Variants in CELF2 observed in about 807,000 individuals in gnomAD.
CELF2 encodes the protein CUGBP Elav-like family member 2.
A neutral mutation model predicts 62.6 loss-of-function variants in CELF2; 8 were observed. That is an observed-to-expected ratio of 0.13 (90% confidence interval 0.07 to 0.23). The LOEUF (loss-of-function observed/expected upper bound fraction) is 0.23, where lower values mean the gene tolerates loss of function less well. Ranked by LOEUF, CELF2 falls within the 10% of genes least tolerant of loss-of-function variation. CELF2 has a pLI of 1.00. For missense variants in CELF2, 333 were observed against 671.0 expected, an observed-to-expected ratio of 0.50 and a Z score of 5.56; for synonymous variants, 258 against 250.0, an observed-to-expected ratio of 1.03 and a Z score of -0.30.
At chr10:10,662,392 G>A in the CELF2 span, among the ~76,000 whole-genome samples, 2 of 152,162 alleles carry the variant, frequency 1.3e-5, no homozygotes, top group African/African-American at 4.8e-5. Flanking sequence ...TAAAAACTCA[G>A]CAGCAGCTGC....
At chr10:11,101,704 C>T (rs1181111878) in intron 1 of CELF2, among the ~76,000 whole-genome samples, 1 of 152,222 alleles carries the variant, frequency 6.6e-6, no homozygotes, top group African/African-American at 2.4e-5. Flanking sequence ...GTTTTTACCA[C>T]TGTAGCACAA....
At chr10:11,232,037 A>C (rs926855287) in intron 3 of CELF2, among the ~76,000 whole-genome samples, 1 of 152,184 alleles carries the variant, frequency 6.6e-6, no homozygotes, top group African/African-American at 2.4e-5. Context: ...ACATGTGCAC[A>C]ACGTGCAGGT....
rs146972453 is a variant in CELF2 at position 10,874,207 on chromosome 10, A to G, written c.54-45757A>G. On this transcript the variant is annotated intron_variant, in intron 1 of 13. Coordinates refer to the CELF2 transcript ENST00000636488. ...GGTGGCACATGCCTTAATCCTAACT[A>G]CTTGGGAGGCTGAGGTAGGAGGATT... is the stretch of plus-strand genomic sequence containing the variant. 2.8e-3 allele frequency among the ~76,000 whole-genome samples: 433 copies of G among 152,162 alleles called. 5 individuals are homozygous for G. Among genetic ancestry groups the G allele is most frequent in the African/African-American group, 1.0e-2 (414 of 41,524 alleles).
At chr10:10,847,149 A>C (rs975724097) in intron 1 of CELF2, among the ~76,000 whole-genome samples, 3 of 151,816 alleles carry the variant, frequency 2.0e-5, no homozygotes, top group African/African-American at 7.2e-5. Context: ...ATATCTATTT[A>C]TATTAGGTAT....
chr10:10,526,100 G>A, the CELF2 span, among the ~76,000 whole-genome samples: 1 of 152,184 alleles, frequency 6.6e-6, no homozygotes, highest in Non-Finnish European at 1.5e-5. Flanking sequence ...ACATATAGAT[G>A]TTGATGTATT....
chr10:11,255,571 G>C lies in CELF2; in HGVS notation c.404-2167G>C, dbSNP rs945189798. ...TGGGTGCACGATTCGTAGTTTACAAGTATTGTGGAATCGTGCCTTTCAACT... is the reference window on the plus strand; with the variant it reads ...TGGGTGCACGATTCGTAGTTTACAACTATTGTGGAATCGTGCCTTTCAACT... On this transcript the variant is annotated intron_variant, in intron 4 of 12. Coordinates refer to ENST00000633077, the MANE Select transcript of CELF2 (RefSeq NM_001326342.2). The surrounding 1 kb of genome is among the most constrained non-coding windows in gnomAD (Gnocchi z 5.5). Among the ~76,000 whole-genome samples the C allele has an allele frequency of 1.3e-5, 2 of 152,178 alleles. No homozygotes were observed. Among genetic ancestry groups the C allele is most frequent in the African/African-American group, 4.8e-5 (2 of 41,436 alleles).
At chr10:10,953,595 A>C (rs1393104516) in intron 2 of CELF2, among the ~76,000 whole-genome samples, 1 of 152,222 alleles carries the variant, frequency 6.6e-6, no homozygotes, top group African/African-American at 2.4e-5. Flanking sequence ...TTCCACCAGG[A>C]TGAATTTCAA....
rs1031878150 is a variant in CELF2 at position 11,335,793 on chromosome 10, A to AT, written c.*6741dup. 1.6e-4 allele frequency: 25 copies of AT among 152,316 alleles called. No homozygotes were observed. Among genetic ancestry groups the AT allele is most frequent in the African/African-American group, 4.3e-4 (18 of 41,560 alleles). The allele number at this position is 152,316 out of a possible 1,614,324, so 9.4% of individuals were successfully genotyped here. On this transcript the variant is annotated 3_prime_UTR_variant, in exon 13 of 13. Transcript: ENST00000633077. This position sits in a 1 kb window ranked among gnomAD's most constrained non-coding sequence, Gnocchi z 5.0. ...GTGCAAGTGTTTATTTTTCAAATCT[A>AT]TAAGTACATAGTTCCACCATTTTGG...
Position 11,329,847 on chromosome 10 carries a change from C to A in CELF2, c.*794C>A, listed in dbSNP as rs2095951599. ...TAAATTTAATAATAATAAATAAATA[C>A]ATAAATACATAAATAAAAAAGAAAG... is the stretch of plus-strand genomic sequence containing the variant. On this transcript the variant is annotated 3_prime_UTR_variant, in exon 13 of 13. Transcript: ENST00000633077. The surrounding 1 kb of genome is among the most constrained non-coding windows in gnomAD (Gnocchi z 5.5). The A allele has an allele frequency of 6.6e-6, 1 of 151,760 alleles. No homozygotes were observed. Among genetic ancestry groups the A allele is most frequent in the African/African-American group, 2.4e-5 (1 of 41,378 alleles). 9.4% of individuals were successfully genotyped at this position (151,760 alleles called of 1,614,324 possible). A position where few individuals can be genotyped will look rare whatever the true frequency, so the allele number is the denominator to read the frequency against.
chr10:10,464,756 C>T, the CELF2 span, among the ~76,000 whole-genome samples: 67 of 152,270 alleles, frequency 4.4e-4, no homozygotes, highest in Non-Finnish European at 8.8e-4. Context: ...CAGTCCATAA[C>T]ACTATAGATT....
intron 2 of CELF2, among the ~76,000 whole-genome samples, chr10:11,168,340 A>C (rs1306180079): frequency 6.6e-6 from 1 of 152,218 alleles, no homozygotes; most frequent in African/African-American, 2.4e-5. Flanking sequence ...TTTGTTATAC[A>C]GACATCTCTG....
intron 7 of CELF2, among the ~76,000 whole-genome samples, chr10:11,273,974 C>A (rs923768243): frequency 5.6e-5 from 8 of 143,054 alleles, no homozygotes; most frequent in East Asian, 2.1e-4. Flanking sequence ...CCCCACCCCC[C>A]CCCCCCACCT....
intron 3 of CELF2, among the ~76,000 whole-genome samples, chr10:11,228,105 G>T (rs759135913): frequency 1.3e-5 from 2 of 152,178 alleles, no homozygotes; most frequent in South Asian, 4.1e-4. Flanking sequence ...CTTAGTAAAT[G>T]TCAGAACAGT....
At chr10:10,745,145 A>G in the CELF2 span, among the ~76,000 whole-genome samples, 1 of 151,080 alleles carries the variant, frequency 6.6e-6, no homozygotes, top group Non-Finnish European at 1.5e-5. Flanking sequence ...AAAAAAAACT[A>G]TGATAAAAAC....
the CELF2 span, among the ~76,000 whole-genome samples, chr10:10,694,485 T>G: frequency 6.6e-6 from 1 of 152,158 alleles, no homozygotes; most frequent in African/African-American, 2.4e-5. Context: ...AAATGTATAT[T>G]CTGTTGATTT....
chr10:10,480,952 A>G, the CELF2 span, among the ~76,000 whole-genome samples: 2 of 152,094 alleles, frequency 1.3e-5, no homozygotes, highest in South Asian at 4.1e-4. Flanking sequence ...AATTCCAGCT[A>G]CTCGGGAGGC....
At chr10:10,761,954 G>GTGTA in the CELF2 span, among the ~76,000 whole-genome samples, 3,211 of 141,512 alleles carry the variant, frequency 0.023, 75 homozygotes, top group South Asian at 0.072. Flanking sequence ...GTGTGTGTGT[G>GTGTA]TAGACAGATA....
chr10:11,288,916 A>G (rs1193255411), intron 9 of CELF2, among the ~76,000 whole-genome samples: 1 of 152,204 alleles, frequency 6.6e-6, no homozygotes, highest in Non-Finnish European at 1.5e-5. Context: ...AAATAAGACA[A>G]TGTAAGAATT....
the CELF2 span, among the ~76,000 whole-genome samples, chr10:10,684,778 G>A: frequency 6.6e-6 from 1 of 152,080 alleles, no homozygotes; most frequent in East Asian, 1.9e-4. Flanking sequence ...CAAGAGCTTT[G>A]TCAAATTAGG....
Sources: allele counts gnomAD v4.1 joint callset (sites outside exome capture counted in the v4.1 genomes callset), GRCh38; gene constraint gnomAD v4.1.1; non-coding constraint Gnocchi (gnomAD v3.1); transcripts MANE v1.5; gene names NCBI Gene and HGNC (gene_info 2026-07-23, HGNC 2026-07-21).